The following ZNF462 variants were observed in gnomAD, a reference collection of about 807,000 sequenced individuals.
ZNF462 encodes zinc finger PBX1-interacting protein.
Under a neutral mutation model 201.9 loss-of-function variants are expected in ZNF462, and 10 were observed. The ratio of observed to expected loss-of-function variants is 0.05; its 90% confidence interval spans 0.03 to 0.08. ZNF462 has a LOEUF of 0.08. Ranked by LOEUF, ZNF462 falls within the 10% of genes least tolerant of loss-of-function variation. The probability of loss-of-function intolerance (pLI) is 1.00; values close to 1 mark genes in which losing one functional copy is unlikely to be tolerated. For synonymous variants in ZNF462, 1,227 were observed against 1,193.3 expected (o/e 1.03, Z -0.58); for missense variants, 2,523 against 3,168.3 (o/e 0.80, Z 4.89).
At position 106,913,858 on chromosome 9, in the gene ZNF462, TC is replaced by T. The variant is rs1254675766; in HGVS notation, c.-30-9493del. ...CTCAAGTGATCTGCCCGCCTCAGCC[TC>T]CCAAAGTGCTAGGATTACAGGCATG... On this transcript the variant is annotated intron_variant, in intron 1 of 12. Transcript: ENST00000277225. This position sits in a 1 kb window ranked among gnomAD's most constrained non-coding sequence, Gnocchi z 4.1. Among the ~76,000 whole-genome samples, 2 of 150,482 alleles carry T rather than the reference TC, an allele frequency of 1.3e-5. No individual in the cohort carries two copies. The highest frequency in any genetic ancestry group is 4.8e-5 in the African/African-American group (2 of 41,278).
At chr9:106,879,718 A>G (rs1002981670) in intron 1 of ZNF462, among the ~76,000 whole-genome samples, 2 of 152,156 alleles carry the variant, frequency 1.3e-5, no homozygotes, top group African/African-American at 4.8e-5. Context: ...GATTCTGCAG[A>G]AGCTTAGCAA....
intron 7 of ZNF462, among the ~76,000 whole-genome samples, chr9:106,961,038 A>C (rs936212068): frequency 2.0e-5 from 3 of 152,212 alleles, no homozygotes; most frequent in East Asian, 3.9e-4. Context: ...TAATCCATGA[A>C]TACCTTCTCA....
intron 1 of ZNF462, among the ~76,000 whole-genome samples, chr9:106,869,535 C>T (rs550481020): frequency 3.0e-4 from 45 of 152,304 alleles, no homozygotes; most frequent in Admixed American, 2.6e-3. Context: ...TTTCTAAGCT[C>T]CTTCCAAACG....
rs1343484991 is a variant in ZNF462, at chr9:106,962,308, AAG to A, written c.6428-9691_6428-9690del. ...TTGACTCATTGAATGTGTGGAATGA[AAG>A]AGAGAAATGAATCAAGGATTTATTC... On this transcript the variant is annotated intron_variant, in intron 7 of 12. Transcript: ENST00000277225. The surrounding 1 kb of genome is among the most constrained non-coding windows in gnomAD (Gnocchi z 4.6). 6.6e-6 allele frequency among the ~76,000 whole-genome samples: 1 copy of A among 152,030 alleles called. No homozygotes were observed. Among genetic ancestry groups the A allele is most frequent in the African/African-American group, 2.4e-5 (1 of 41,430 alleles).
Position 106,917,567 on chromosome 9 carries a change from C to T in ZNF462, c.-30-5787C>T, listed in dbSNP as rs141835403. On this transcript the variant is annotated intron_variant, in intron 1 of 12. Coordinates refer to ENST00000277225, the MANE Select transcript of ZNF462 (RefSeq NM_021224.6). This position sits in a 1 kb window ranked among gnomAD's most constrained non-coding sequence, Gnocchi z 4.5. ...ATGTGATTGCAAATTAATCCTTTCT[C>T]TTCTGAAAATTTGGTTTTGAAGAAC... is the stretch of plus-strand genomic sequence containing the variant. Among the ~76,000 whole-genome samples, 472 of 152,314 alleles carry T rather than the reference C, an allele frequency of 3.1e-3. 1 individual carries two copies. The highest frequency in any genetic ancestry group is 0.011 in the African/African-American group (460 of 41,564).
chr9:106,889,466 C>G (rs1439290355), intron 1 of ZNF462, among the ~76,000 whole-genome samples: 2 of 152,304 alleles, frequency 1.3e-5, no homozygotes, highest in Non-Finnish European at 1.5e-5. Flanking sequence ...GGAGAACTCT[C>G]TTTGTCAGAC....
rs554916323 is a variant in ZNF462 at position 106,883,516 on chromosome 9, G to A, written c.-31+20161G>A. 4.9e-4 allele frequency among the ~76,000 whole-genome samples: 75 copies of A among 152,240 alleles called. No individual in the cohort carries two copies. The highest frequency in any genetic ancestry group is 1.5e-3 in the African/African-American group (61 of 41,532). ...GGAGTTGCATTTTCCCCAGAATACC[G>A]TATACATAAGGCCTGCGTCATTAGT... is the stretch of plus-strand genomic sequence containing the variant. On this transcript the variant is annotated intron_variant, in intron 1 of 12. Transcript: ENST00000277225. This position sits in a 1 kb window ranked among gnomAD's most constrained non-coding sequence, Gnocchi z 4.9.
Position 107,008,173 on chromosome 9 carries a change from C to T in ZNF462, c.7190-1372C>T, listed in dbSNP as rs183231100. 1.3e-5 allele frequency among the ~76,000 whole-genome samples: 2 copies of T among 152,158 alleles called. No homozygotes were observed. The highest frequency in any genetic ancestry group is 4.8e-5 in the African/African-American group (2 of 41,446). ...TGCAGTTGGGGAGGAGTCAGGAAGG[C>T]ATTCTGTTGATTTCTTGCCCAAGAT... On this transcript the variant is annotated intron_variant, in intron 11 of 12. Transcript: ENST00000277225. This position sits in a 1 kb window ranked among gnomAD's most constrained non-coding sequence, Gnocchi z 4.8.
At chr9:106,862,087 C>T (rs1472051035), upstream of ZNF462, among the ~76,000 whole-genome samples, 1 of 152,100 alleles carries the variant, frequency 6.6e-6, no homozygotes, top group Non-Finnish European at 1.5e-5. The surrounding 1 kb of genome is among the most constrained non-coding windows in gnomAD (Gnocchi z 4.2). Context: ...CCCCACCTTC[C>T]ATATCAGGAA....
At chr9:106,964,655 A>G (rs1157345798) in intron 7 of ZNF462, among the ~76,000 whole-genome samples, 6 of 152,116 alleles carry the variant, frequency 3.9e-5, no homozygotes, top group East Asian at 1.9e-4. Context: ...TGGTCTTGCC[A>G]AAATGTAACT....
In ZNF462 at chr9:106,880,424, G is replaced by C. The variant is rs1408918709; in HGVS notation, c.-31+17069G>C. 4.6e-5 allele frequency among the ~76,000 whole-genome samples: 7 copies of C among 152,214 alleles called. No individual in the cohort carries two copies. The highest frequency in any genetic ancestry group is 8.8e-5 in the Non-Finnish European group (6 of 68,048). On this transcript the variant is annotated intron_variant, in intron 1 of 12. Coordinates refer to ENST00000277225, the MANE Select transcript of ZNF462 (RefSeq NM_021224.6). This position sits in a 1 kb window ranked among gnomAD's most constrained non-coding sequence, Gnocchi z 4.1. The stretch of plus-strand genomic sequence containing the variant: ...GTTGAGAAAACTTTGAAGTGGTGTT[G>C]GCTAAATGTAGGTACGAGGGCTGCA...
At position 107,011,197 on chromosome 9, in the gene ZNF462, G is replaced by A. The variant is rs1009257083; in HGVS notation, c.*167G>A. ...CACTGGTACCTGTGTGAGTGAGTATGTAAATTAAAGTTATTTAAATGGTTG... is the reference window on the plus strand; with the variant it reads ...CACTGGTACCTGTGTGAGTGAGTATATAAATTAAAGTTATTTAAATGGTTG... On this transcript the variant is annotated 3_prime_UTR_variant, in exon 13 of 13. Coordinates refer to ENST00000277225, the MANE Select transcript of ZNF462 (RefSeq NM_021224.6). This position sits in a 1 kb window ranked among gnomAD's most constrained non-coding sequence, Gnocchi z 5.6. 6 of 606,154 alleles carry A rather than the reference G, an allele frequency of 9.9e-6. No homozygotes were observed. Among genetic ancestry groups the A allele is most frequent in the Admixed American group, 3.0e-5 (1 of 33,222 alleles). The allele number at this position is 606,154 out of a possible 1,614,324, so 37.5% of individuals were successfully genotyped here.
rs1024663221 is a variant in ZNF462 at position 106,977,638 on chromosome 9, A to G, written c.6832+3365A>G. ...TGGTTCTTTGGGCAAAATGGGGAAC[A>G]TAAGACCCAGCACCCACTCTCCTCA... On this transcript the variant is annotated intron_variant, in intron 9 of 12. Transcript: ENST00000277225. This position sits in a 1 kb window ranked among gnomAD's most constrained non-coding sequence, Gnocchi z 4.6. Among the ~76,000 whole-genome samples the G allele has an allele frequency of 6.6e-6, 1 of 151,518 alleles. No homozygotes were observed.
At chr9:106,916,409 A>G (rs911921044) in intron 1 of ZNF462, among the ~76,000 whole-genome samples, 1 of 152,198 alleles carries the variant, frequency 6.6e-6, no homozygotes, top group Non-Finnish European at 1.5e-5. Context: ...TTCTGTAATG[A>G]AGACCCAGCA....
chr9:106,924,314 A>G lies in ZNF462; in HGVS notation c.402A>G (p.Gln134=). The change falls in exon 3 of 13, where the codon CAA becomes CAG. Residue 134 remains glutamine (Q), a synonymous_variant. Coordinates refer to ENST00000277225, the MANE Select transcript of ZNF462 (RefSeq NM_021224.6). This position sits in a 1 kb window ranked among gnomAD's most constrained non-coding sequence, Gnocchi z 6.2. ...IEHTRKVHGA[Q]AEGSSSGPPV... ...ACACTAGAAAGGTCCATGGAGCTCA[A>G]GCTGAAGGGAGTTCATCAGGACCCC... 2.5e-6 allele frequency: 4 copies of G among 1,614,192 alleles called. No individual in the cohort carries two copies. The highest frequency in any genetic ancestry group is 3.4e-6 in the Non-Finnish European group (4 of 1,180,042).
At chr9:106,879,707 T>G (rs1247852256) in intron 1 of ZNF462, among the ~76,000 whole-genome samples, 1 of 152,150 alleles carries the variant, frequency 6.6e-6, no homozygotes, top group Non-Finnish European at 1.5e-5. Flanking sequence ...ATGGTTCCAG[T>G]GATTCTGCAG....
Position 106,967,028 on chromosome 9 carries a change from G to A in ZNF462, c.6428-4977G>A, listed in dbSNP as rs559997248. On this transcript the variant is annotated intron_variant, in intron 7 of 12. Coordinates refer to ENST00000277225, the MANE Select transcript of ZNF462 (RefSeq NM_021224.6). ...AGCATGCAAGGGGGCTGTCCTCTGC[G>A]GCTCCTACAATTTGCTGCCCAATTG... 3.9e-5 allele frequency among the ~76,000 whole-genome samples: 6 copies of A among 152,088 alleles called. No homozygotes were observed. The South Asian group carries it at 6.2e-4, about 16-fold the overall frequency.
At chr9:106,887,746 T>C (rs1282808735) in intron 1 of ZNF462, among the ~76,000 whole-genome samples, 1 of 152,184 alleles carries the variant, frequency 6.6e-6, no homozygotes, top group Non-Finnish European at 1.5e-5. Flanking sequence ...ATGATTGCGT[T>C]GCAACATACT....
rs1193192796 is a variant in ZNF462, at chr9:106,948,688, C to T, written c.6427+9581C>T. 7.3e-5 allele frequency among the ~76,000 whole-genome samples: 11 copies of T among 151,608 alleles called. No individual in the cohort carries two copies. The East Asian group carries it at 1.9e-3, about 27-fold the overall frequency. ...TTTTTTTTTTTCTTCAAAACTGAAC[C>T]GTACTACACAAACTATTTTTCTTTC... On this transcript the variant is annotated intron_variant, in intron 7 of 12. Coordinates refer to ENST00000277225, the MANE Select transcript of ZNF462 (RefSeq NM_021224.6).
Sources: gnomAD v4.1 joint callset for allele counts (sites outside exome capture counted in the v4.1 genomes callset) on GRCh38, gnomAD v4.1.1 for gene constraint, Gnocchi (gnomAD v3.1) non-coding constraint, MANE v1.5 for transcripts, NCBI Gene and HGNC (gene_info 2026-07-23, HGNC 2026-07-21) for gene names.